SUMF1: variants seen among roughly 807,000 people sequenced by gnomAD.
SUMF1 encodes the protein sulfatase modifying factor 1, also known as formylglycine-generating enzyme.
A neutral mutation model predicts 47.6 loss-of-function variants in SUMF1; 48 were observed. The ratio of observed to expected loss-of-function variants is 1.01; its 90% confidence interval spans 0.80 to 1.28. The LOEUF (loss-of-function observed/expected upper bound fraction) is 1.28, where lower values mean the gene tolerates loss of function less well. Among genes scored for constraint, SUMF1 ranks in the 50% most tolerant of loss-of-function variants. SUMF1 has a pLI of 0.00. For synonymous variants in SUMF1, 230 were observed against 192.1 expected, an observed-to-expected ratio of 1.20 and a Z score of -1.63; for missense variants, 571 against 485.4, an observed-to-expected ratio of 1.18 and a Z score of -1.66.
intron 8 of SUMF1, among the ~76,000 whole-genome samples, chr3:4,116,999 G>C (rs991399135): frequency 6.7e-6 from 1 of 150,222 alleles, no homozygotes; most frequent in Non-Finnish European, 1.5e-5. Context: ...TCTACTTATA[G>C]TTATACATGG....
At chr3:4,443,000 G>A (rs535854085) in intron 3 of SUMF1, among the ~76,000 whole-genome samples, 1 of 152,050 alleles carries the variant, frequency 6.6e-6, no homozygotes, top group South Asian at 2.1e-4. Context: ...GGTAGGCCGG[G>A]CATGGTGGCT....
chr3:4,180,097 G>C (rs1695059384), intron 8 of SUMF1, among the ~76,000 whole-genome samples: 4 of 152,196 alleles, frequency 2.6e-5, no homozygotes, highest in Admixed American at 1.3e-4. Context: ...CTGTTGGTGG[G>C]AGTGTAAATT....
chr3:4,394,132 TAA>T (rs1191125039), intron 7 of SUMF1, among the ~76,000 whole-genome samples: 1 of 152,160 alleles, frequency 6.6e-6, no homozygotes, highest in Admixed American at 6.6e-5. Flanking sequence ...ATTATTTTTT[TAA>T]AAGAGTGTTT....
At chr3:4,069,034 C>G (rs1574855142) in intron 8 of SUMF1, among the ~76,000 whole-genome samples, 1 of 152,158 alleles carries the variant, frequency 6.6e-6, no homozygotes, top group African/African-American at 2.4e-5. Flanking sequence ...TTTAAATACC[C>G]AGGAAGTTGA....
chr3:4,294,079 A>T lies in SUMF1; in HGVS notation c.1014+82251T>A, dbSNP rs138558333. 1.8e-3 allele frequency among the ~76,000 whole-genome samples: 280 copies of T among 152,310 alleles called. 1 individual carries two copies. The highest frequency in any genetic ancestry group is 6.2e-3 in the African/African-American group (259 of 41,556). On this transcript the variant is annotated intron_variant and NMD_transcript_variant, in intron 8 of 12. Coordinates refer to the SUMF1 transcript ENST00000448413. ...AATCTATTGGAATTTCAGTTCTCAG[A>T]TCTTGGGCAGTGGAGATATTAATAC... is the stretch of plus-strand genomic sequence containing the variant.
chr3:4,264,420 C>G (rs922214759), intron 8 of SUMF1, among the ~76,000 whole-genome samples: 1 of 152,196 alleles, frequency 6.6e-6, no homozygotes, highest in African/African-American at 2.4e-5. Flanking sequence ...CGTCAAGTAT[C>G]ACCACACTGA....
rs142980345 is a variant in SUMF1, at chr3:4,362,264, G to C, written c.1015-10C>G. ...ACCTGTAACAATAAGACTGTGTAGAGAGAAAGAGCAAGGTAAGTGCTACTG... is the reference window on the plus strand; with the variant it reads ...ACCTGTAACAATAAGACTGTGTAGACAGAAAGAGCAAGGTAAGTGCTACTG... On this transcript the variant is annotated splice_polypyrimidine_tract_variant and intron_variant, in intron 8 of 8. Transcript: ENST00000272902. 21 of 1,612,188 alleles carry C rather than the reference G, an allele frequency of 1.3e-5. No individual in the cohort carries two copies. The African/African-American group carries it at 2.0e-4, about 15-fold the overall frequency.
chr3:4,058,164 A>T (rs1367105539), intron 9 of SUMF1, among the ~76,000 whole-genome samples: 1 of 152,182 alleles, frequency 6.6e-6, no homozygotes, highest in Non-Finnish European at 1.5e-5. Context: ...CAGATAGTAG[A>T]TGAGCAAATC....
intron 8 of SUMF1, among the ~76,000 whole-genome samples, chr3:4,126,092 TA>T (rs34859048): frequency 2.0e-5 from 3 of 150,644 alleles, no homozygotes; most frequent in East Asian, 1.9e-4. Flanking sequence ...TCCTTTCAAA[TA>T]AAAAAAAATC....
chr3:4,459,212 ATAAG>A (rs1384509301), intron 1 of SUMF1, among the ~76,000 whole-genome samples: 4 of 152,372 alleles, frequency 2.6e-5, no homozygotes, highest in African/African-American at 9.6e-5. Flanking sequence ...CACAAAAAAT[ATAAG>A]TATGTGAGCT....
chr3:4,236,477 G>A (rs1408364531), intron 8 of SUMF1, among the ~76,000 whole-genome samples: 1 of 152,090 alleles, frequency 6.6e-6, no homozygotes, highest in East Asian at 1.9e-4. Context: ...ACTTTAGCCA[G>A]GCTCGCAGGC....
In SUMF1 at chr3:4,254,978, C is replaced by G. The variant is rs373057078; in HGVS notation, c.1014+121352G>C. On this transcript the variant is annotated intron_variant and NMD_transcript_variant, in intron 8 of 12. Transcript: ENST00000448413. ...CAGTATTCAACATTCTTAAAGAAAACAATTTTCAACCCAGAATTTCATATC... is the reference window on the plus strand; with the variant it reads ...CAGTATTCAACATTCTTAAAGAAAAGAATTTTCAACCCAGAATTTCATATC... Among the ~76,000 whole-genome samples, 90 of 152,014 alleles carry G rather than the reference C, an allele frequency of 5.9e-4. 1 individual carries two copies. Among genetic ancestry groups the G allele is most frequent in the Admixed American group, 1.9e-3 (29 of 15,252 alleles).
At chr3:4,234,052 A>C (rs1234514989) in intron 8 of SUMF1, among the ~76,000 whole-genome samples, 2 of 152,078 alleles carry the variant, frequency 1.3e-5, no homozygotes, top group African/African-American at 2.4e-5. Flanking sequence ...AAAGGCGCCT[A>C]AACTGGGAAC....
At chr3:4,266,381 T>G (rs987425197) in intron 8 of SUMF1, among the ~76,000 whole-genome samples, 1 of 152,206 alleles carries the variant, frequency 6.6e-6, no homozygotes, top group Non-Finnish European at 1.5e-5. Flanking sequence ...GTTCTTCCAT[T>G]TGTTTGTATC....
At chr3:4,075,261 A>C (rs1016275930) in intron 8 of SUMF1, among the ~76,000 whole-genome samples, 4 of 152,150 alleles carry the variant, frequency 2.6e-5, no homozygotes, top group Admixed American at 2.0e-4. Context: ...ATCTCAATAG[A>C]TACAAAAGAG....
chr3:4,272,967 C>T (rs558147931), intron 8 of SUMF1, among the ~76,000 whole-genome samples: 1 of 151,896 alleles, frequency 6.6e-6, no homozygotes, highest in African/African-American at 2.4e-5. Flanking sequence ...CCTGGCTACA[C>T]AGGAGGCCAA....
intron 8 of SUMF1, among the ~76,000 whole-genome samples, chr3:4,087,277 C>T (rs1692692406): frequency 6.6e-6 from 1 of 152,140 alleles, no homozygotes; most frequent in Admixed American, 6.5e-5. Flanking sequence ...AGACATGGAG[C>T]TGGGCAAGTT....
intron 7 of SUMF1, among the ~76,000 whole-genome samples, chr3:4,402,187 G>T (rs1701233964): frequency 6.6e-6 from 1 of 152,256 alleles, no homozygotes; most frequent in South Asian, 2.1e-4. Context: ...AAGAAGTGGG[G>T]AAAGAAAGAA....
At chr3:4,401,018 A>G (rs561997957) in intron 7 of SUMF1, among the ~76,000 whole-genome samples, 30 of 130,954 alleles carry the variant, frequency 2.3e-4, no homozygotes, top group Admixed American at 9.4e-4. Context: ...CCGGTGTCCA[A>G]GTGTTCTCAT....
Sources: allele counts gnomAD v4.1 joint callset (sites outside exome capture counted in the v4.1 genomes callset), GRCh38; gene constraint gnomAD v4.1.1; transcripts MANE v1.5; gene names NCBI Gene and HGNC (gene_info 2026-07-23, HGNC 2026-07-21).